The following TRAK1 variants were observed in gnomAD, a reference collection of about 807,000 sequenced individuals.
The protein encoded by TRAK1 is trafficking kinesin protein 1.
In TRAK1, 33 loss-of-function variants were observed where a neutral mutation model predicts 92.1. The ratio of observed to expected loss-of-function variants is 0.36; its 90% CI spans 0.27 to 0.48. The LOEUF (loss-of-function observed/expected upper bound fraction) is 0.48. Ranked by LOEUF, TRAK1 falls within the 20% of genes least tolerant of loss-of-function variation. The pLI is 0.99. For missense variants in TRAK1, 1,123 were observed against 1,257.9 expected, an observed-to-expected ratio of 0.89 and a Z score of 1.62; for synonymous variants, 521 against 517.3, an observed-to-expected ratio of 1.01 and a Z score of -0.10.
At position 42,191,541 on chromosome 3, in the gene TRAK1, C is replaced by A. The variant is rs1478054917; in HGVS notation, c.691-17C>A. 1 of 1,577,596 alleles carries A rather than the reference C, an allele frequency of 6.3e-7. No individual in the cohort carries two copies. ...CAGGTGAGAATGTGGGGCCTCTGAC[C>A]TGGGTCTTGTCTACAGGCCAGCCAG... On this transcript the variant is annotated splice_polypyrimidine_tract_variant and intron_variant, in intron 6 of 15. Coordinates refer to ENST00000327628, the MANE Select transcript of TRAK1 (RefSeq NM_001042646.3).
intron 1 of TRAK1, 92 bp from the exon 2 acceptor site, chr3:42,125,328 G>T (rs1559800399): frequency 1.7e-6 from 2 of 1,176,916 alleles, no homozygotes; most frequent in Non-Finnish European, 2.4e-6. Flanking sequence ...ATAAATAACC[G>T]AAGATACCTG....
At chr3:42,090,129 C>T (rs898836109), upstream of TRAK1, among the ~76,000 whole-genome samples, 4 of 152,118 alleles carry the variant, frequency 2.6e-5, no homozygotes, top group South Asian at 2.1e-4. Flanking sequence ...CCGAGGTTAG[C>T]ACAATGATAA....
intron 6 of TRAK1, among the ~76,000 whole-genome samples, chr3:42,190,200 C>T (rs1043941402): frequency 2.6e-5 from 4 of 152,048 alleles, no homozygotes; most frequent in South Asian, 2.1e-4. Context: ...GTTCTCTAGC[C>T]GAGGTATGGT....
intron 6 of TRAK1, among the ~76,000 whole-genome samples, chr3:42,190,013 C>T (rs1199755112): frequency 6.6e-6 from 1 of 152,174 alleles, no homozygotes; most frequent in East Asian, 1.9e-4. Context: ...ACGGTGGGCC[C>T]CAGGCTGCTA....
chr3:42,128,763 C>CT (rs1272844281), intron 2 of TRAK1, among the ~76,000 whole-genome samples: 1 of 152,166 alleles, frequency 6.6e-6, no homozygotes, highest in East Asian at 1.9e-4. Flanking sequence ...CTTTGAATAA[C>CT]TGCCTTTGTT....
rs1463543437 is a variant in TRAK1, at chr3:42,224,271, T to A, written c.*534T>A. On this transcript the variant is annotated 3_prime_UTR_variant, in exon 16 of 16. Transcript: ENST00000327628. ...GCTTTCCTGATCGGAGGGCTTTTCT[T>A]TTATGGGTGGCCCAGCTTCTTCAAG... 1 of 326,468 alleles carries A rather than the reference T, an allele frequency of 3.1e-6. No individual in the cohort carries two copies. The highest frequency in any genetic ancestry group is 5.9e-6 in the Non-Finnish European group (1 of 170,270). The allele number at this position is 326,468 out of a possible 1,614,324, so 20.2% of individuals were successfully genotyped here.
intron 15 of TRAK1, 128 bp downstream of exon 15, chr3:42,219,724 A>G (rs1183820564): frequency 2.2e-5 from 20 of 928,956 alleles, no homozygotes; most frequent in Non-Finnish European, 3.3e-5. Context: ...AGCCAGTGTA[A>G]GCATCTCAGC....
intron 1 of TRAK1, among the ~76,000 whole-genome samples, chr3:42,099,885 G>A (rs1194523170): frequency 1.3e-5 from 2 of 152,114 alleles, no homozygotes; most frequent in African/African-American, 4.8e-5. Context: ...AGTTTTCTGT[G>A]CCCAGTGTCT....
rs373556201 is a variant in TRAK1 at position 42,150,516 on chromosome 3, GAT to G, written c.286+24905_286+24906del. ...CTTTGAGGGTCTGTTCCCCAGTGAT[GAT>G]ATGTTCCCAGCCCTATATGAGCCAT... On this transcript the variant is annotated intron_variant, in intron 2 of 15. Transcript: ENST00000327628. Among the ~76,000 whole-genome samples the G allele has an allele frequency of 5.5e-3, 845 of 152,274 alleles. 16 individuals carry two copies. The highest frequency in any genetic ancestry group is 0.019 in the African/African-American group (809 of 41,558).
intron 14 of TRAK1, among the ~76,000 whole-genome samples, chr3:42,213,699 C>T (rs1709347844): frequency 6.6e-6 from 1 of 152,212 alleles, no homozygotes; most frequent in South Asian, 2.1e-4. Flanking sequence ...GGGGTTCAGA[C>T]AGGCTTGTGA....
chr3:42,102,479 G>C (rs1033992793), intron 1 of TRAK1, among the ~76,000 whole-genome samples: 1 of 152,184 alleles, frequency 6.6e-6, no homozygotes, highest in African/African-American at 2.4e-5. Context: ...GTATGGTACT[G>C]ATGCTGGATG....
chr3:42,163,076 C>T (rs938479324), intron 2 of TRAK1, among the ~76,000 whole-genome samples: 4 of 152,152 alleles, frequency 2.6e-5, no homozygotes, highest in Non-Finnish European at 5.9e-5. Flanking sequence ...CATTCGAGGT[C>T]AAATACTGTT....
chr3:42,052,900 G>A (rs888849232), intron 1 of TRAK1, among the ~76,000 whole-genome samples: 2 of 152,146 alleles, frequency 1.3e-5, no homozygotes, highest in African/African-American at 2.4e-5. Context: ...GGCTGAATGC[G>A]TAGTCCCCGA....
chr3:42,128,166 C>T (rs1195499586), intron 2 of TRAK1, among the ~76,000 whole-genome samples: 3 of 152,080 alleles, frequency 2.0e-5, no homozygotes, highest in Admixed American at 6.6e-5. Context: ...GCAACAAGAG[C>T]GAAACTCCAT....
chr3:42,153,334 G>C (rs1315431734), intron 2 of TRAK1, among the ~76,000 whole-genome samples: 1 of 152,080 alleles, frequency 6.6e-6, no homozygotes, highest in East Asian at 1.9e-4. Flanking sequence ...GCCCAGGAGG[G>C]TGAGGGAAGC....
chr3:42,181,378 T>A (rs1703980470), intron 3 of TRAK1, among the ~76,000 whole-genome samples: 1 of 152,168 alleles, frequency 6.6e-6, no homozygotes, highest in Non-Finnish European at 1.5e-5. Context: ...ACGCCATTTC[T>A]ACCAAAAATA....
intron 1 of TRAK1, among the ~76,000 whole-genome samples, chr3:42,048,072 A>G (rs750532706): frequency 2.0e-5 from 3 of 151,134 alleles, no homozygotes; most frequent in Non-Finnish European, 4.4e-5. Flanking sequence ...TCTCTCCTCC[A>G]CTCCAAGAGT....
chr3:42,058,174 A>G (rs1354915397), intron 1 of TRAK1, among the ~76,000 whole-genome samples: 1 of 152,142 alleles, frequency 6.6e-6, no homozygotes, highest in Non-Finnish European at 1.5e-5. Context: ...GAACCTCCTC[A>G]TCTTTAAAAT....
At chr3:42,136,373 C>T (rs1697954436) in intron 2 of TRAK1, among the ~76,000 whole-genome samples, 1 of 151,954 alleles carries the variant, frequency 6.6e-6, no homozygotes, top group African/African-American at 2.4e-5. Flanking sequence ...ACTTATAATC[C>T]CAGTGCTTTG....
Sources: allele counts gnomAD v4.1 joint callset (sites outside exome capture counted in the v4.1 genomes callset), GRCh38; gene constraint gnomAD v4.1.1; transcripts MANE v1.5; gene names NCBI Gene and HGNC (gene_info 2026-07-23, HGNC 2026-07-21).